Variants in TSHZ2 observed in about 807,000 individuals in gnomAD.
TSHZ2 encodes teashirt homolog 2.
Under a neutral mutation model 74.4 loss-of-function variants are expected in TSHZ2, and 21 were observed. The observed-to-expected ratio is 0.28, with a 90% CI of 0.20 to 0.41. The LOEUF is 0.41. Among genes scored for constraint, TSHZ2 ranks in the 10% least tolerant of loss-of-function variants. TSHZ2 has a pLI of 1.00. For missense variants in TSHZ2, 1,244 were observed against 1,293.5 expected, an observed-to-expected ratio of 0.96 and a Z score of 0.59; for synonymous variants, 540 against 515.3, an observed-to-expected ratio of 1.05 and a Z score of -0.65.
intron 1 of TSHZ2, among the ~76,000 whole-genome samples, chr20:53,119,650 T>C (rs891769816): frequency 6.6e-6 from 1 of 152,208 alleles, no homozygotes; most frequent in Admixed American, 6.5e-5. Flanking sequence ...ACTGACAATG[T>C]TTATATCAAT....
chr20:53,452,231 C>CTT lies in TSHZ2; in HGVS notation c.*9-34912_*9-34911dup, dbSNP rs374882307. Among the ~76,000 whole-genome samples, 4 of 152,338 alleles carry CTT rather than the reference C, an allele frequency of 2.6e-5. No homozygotes were observed. The East Asian group carries it at 7.7e-4, about 29-fold the overall frequency. On this transcript the variant is annotated intron_variant, in intron 2 of 2. Coordinates refer to ENST00000371497, the MANE Select transcript of TSHZ2 (RefSeq NM_173485.6). Reference sequence around the variant, plus strand: ...TACTTTATGTGGCCCAGGGGCCAGACTTAGAGTTCAAGGGAGAATTTGAGC... The same window carrying CTT: ...TACTTTATGTGGCCCAGGGGCCAGACTTTTAGAGTTCAAGGGAGAATTTGAGC...
chr20:52,978,405 C>T (rs116618007), intron 1 of TSHZ2, among the ~76,000 whole-genome samples: 97 of 152,264 alleles, frequency 6.4e-4, no homozygotes, highest in African/African-American at 2.2e-3. Context: ...TCGACCTTCC[C>T]TTCCATCACT....
intron 2 of TSHZ2, among the ~76,000 whole-genome samples, chr20:53,311,789 A>C (rs1346685568): frequency 6.6e-6 from 1 of 152,206 alleles, no homozygotes; most frequent in East Asian, 1.9e-4. Context: ...CAAACAGGAC[A>C]TCTTACCTGT....
chr20:53,420,137 A>G (rs992111703), intron 2 of TSHZ2, among the ~76,000 whole-genome samples: 5 of 152,258 alleles, frequency 3.3e-5, no homozygotes, highest in African/African-American at 1.2e-4. Flanking sequence ...AAGAGTCCAG[A>G]AAGTAAAATA....
intron 2 of TSHZ2, among the ~76,000 whole-genome samples, chr20:53,341,689 A>G (rs1194828799): frequency 6.6e-6 from 1 of 151,888 alleles, no homozygotes; most frequent in African/African-American, 2.4e-5. Context: ...TTATGTATGT[A>G]TAGATATATT....
At chr20:52,998,533 A>G (rs1441196144) in intron 1 of TSHZ2, among the ~76,000 whole-genome samples, 1 of 152,192 alleles carries the variant, frequency 6.6e-6, no homozygotes, top group East Asian at 1.9e-4. Flanking sequence ...CCCAAGGGTT[A>G]CTTGCTCAGG....
chr20:53,186,048 T>C (rs1988589509), intron 1 of TSHZ2, among the ~76,000 whole-genome samples: 1 of 152,200 alleles, frequency 6.6e-6, no homozygotes, highest in Non-Finnish European at 1.5e-5. Flanking sequence ...ATGTCTCTCC[T>C]TTCTCACTAT....
chr20:53,205,891 T>G (rs1335090266), intron 1 of TSHZ2, among the ~76,000 whole-genome samples: 5 of 152,196 alleles, frequency 3.3e-5, no homozygotes, highest in African/African-American at 1.2e-4. Context: ...TGAAGCCATT[T>G]ACATTCTTTA....
intron 1 of TSHZ2, among the ~76,000 whole-genome samples, chr20:53,023,644 T>A (rs1391020415): frequency 6.8e-6 from 1 of 146,288 alleles, no homozygotes; most frequent in Non-Finnish European, 1.5e-5. Context: ...TTTTGTTTTT[T>A]ATGAGTTATC....
intron 1 of TSHZ2, among the ~76,000 whole-genome samples, chr20:53,214,165 C>T (rs1293021337): frequency 1.3e-5 from 2 of 152,104 alleles, no homozygotes; most frequent in African/African-American, 2.4e-5. Flanking sequence ...GAAATACTTA[C>T]ACCTACATAA....
At chr20:53,235,157 A>G (rs1042561216) in intron 1 of TSHZ2, among the ~76,000 whole-genome samples, 578 of 97,644 alleles carry the variant, frequency 5.9e-3, no homozygotes, top group Middle Eastern at 7.0e-3. Context: ...GGAATGGGGG[A>G]GGGCGTGTTT....
chr20:53,413,407 C>T (rs1490020781), intron 2 of TSHZ2, among the ~76,000 whole-genome samples: 2 of 152,212 alleles, frequency 1.3e-5, no homozygotes, highest in Non-Finnish European at 2.9e-5. Context: ...GTGGTGCACG[C>T]CTGAATCCCA....
chr20:53,368,153 G>A (rs1365601280), intron 2 of TSHZ2, among the ~76,000 whole-genome samples: 1 of 151,696 alleles, frequency 6.6e-6, no homozygotes, highest in Non-Finnish European at 1.5e-5. Context: ...TTGGTTTTTC[G>A]GGGGCTTGTG....
intron 2 of TSHZ2, among the ~76,000 whole-genome samples, chr20:53,277,050 G>T (rs1207674935): frequency 1.3e-5 from 2 of 152,182 alleles, no homozygotes; most frequent in Non-Finnish European, 2.9e-5. Context: ...TCTAGAAAAG[G>T]AGTGGGTAGC....
chr20:53,406,256 C>A (rs920024734), intron 2 of TSHZ2, among the ~76,000 whole-genome samples: 1 of 152,018 alleles, frequency 6.6e-6, no homozygotes, highest in Non-Finnish European at 1.5e-5. Context: ...ACAAAGATGG[C>A]GGTAAAAAGA....
chr20:53,389,550 G>A (rs761519537), intron 2 of TSHZ2, among the ~76,000 whole-genome samples: 9 of 152,334 alleles, frequency 5.9e-5, no homozygotes, highest in Non-Finnish European at 1.0e-4. Flanking sequence ...GCTAGGAGGA[G>A]GTGACAGAGT....
intron 1 of TSHZ2, among the ~76,000 whole-genome samples, chr20:52,998,140 T>C (rs191269139): frequency 1.1e-3 from 165 of 152,326 alleles, no homozygotes; most frequent in African/African-American, 3.8e-3. Context: ...CTGTGGTTTC[T>C]TTCTGTCCTT....
At chr20:53,335,590 C>T (rs570424940) in intron 2 of TSHZ2, among the ~76,000 whole-genome samples, 7 of 152,258 alleles carry the variant, frequency 4.6e-5, no homozygotes, top group African/African-American at 7.2e-5. Context: ...TTTTGCATAT[C>T]GGAAGAATCA....
rs571951277 is a variant in TSHZ2, at chr20:53,367,092, A to C, written c.*8+110521A>C. 7.2e-5 allele frequency among the ~76,000 whole-genome samples: 11 copies of C among 152,208 alleles called. No individual in the cohort carries two copies. In the South Asian group the frequency reaches 1.0e-3, roughly 14 times the overall value. Reference sequence around the variant, plus strand: ...TGCCAAATAATTCAGAATTTTGCTAACTCTGCAAGAACTTTATTCTCAGCC... The same window carrying C: ...TGCCAAATAATTCAGAATTTTGCTACCTCTGCAAGAACTTTATTCTCAGCC... On this transcript the variant is annotated intron_variant, in intron 2 of 2. Transcript: ENST00000371497.
Sources: allele counts gnomAD v4.1 joint callset (sites outside exome capture counted in the v4.1 genomes callset), GRCh38; gene constraint gnomAD v4.1.1; transcripts MANE v1.5; gene names NCBI Gene and HGNC (gene_info 2026-07-23, HGNC 2026-07-21).